ITSN1: variants seen among roughly 807,000 people sequenced by gnomAD.
ITSN1 encodes the protein intersectin 1.
A neutral mutation model predicts 239.8 loss-of-function variants in ITSN1; 58 were observed. The ratio of observed to expected loss-of-function variants is 0.24; its 90% CI spans 0.20 to 0.30. The LOEUF is 0.30. Ranked by LOEUF, ITSN1 falls within the 10% of genes least tolerant of loss-of-function variation. ITSN1 has a pLI of 1.00. For missense variants in ITSN1, 1,558 were observed against 2,103.3 expected (o/e 0.74, Z 5.07); for synonymous variants, 780 against 770.8 (o/e 1.01, Z -0.20).
At chr21:33,817,709 A>T in intron 22 of ITSN1, 1 of 1,020,492 alleles carries the variant, frequency 9.8e-7, no homozygotes, top group Non-Finnish European at 1.3e-6. Context: ...GTGCATGTAG[A>T]TGTACAATAA....
intron 1 of ITSN1, among the ~76,000 whole-genome samples, chr21:33,688,069 C>T (rs573420570): frequency 6.7e-6 from 1 of 150,186 alleles, no homozygotes; most frequent in East Asian, 1.9e-4. Flanking sequence ...AAAATCATCA[C>T]TGTTTTGTTT....
At chr21:33,672,954 C>T (rs895856183) in intron 1 of ITSN1, among the ~76,000 whole-genome samples, 1 of 152,192 alleles carries the variant, frequency 6.6e-6, no homozygotes, top group Admixed American at 6.5e-5. Context: ...TCGTGATCCA[C>T]CTGCCTCGGC....
intron 1 of ITSN1, 138 bp downstream of exon 1, chr21:33,642,851 C>G (rs2087521390): frequency 6.6e-6 from 1 of 151,866 alleles, no homozygotes; most frequent in African/African-American, 2.4e-5. Flanking sequence ...CCGCCCTTAG[C>G]CCCTCGCCGC....
intron 1 of ITSN1, among the ~76,000 whole-genome samples, chr21:33,697,105 C>T (rs572282841): frequency 4.1e-5 from 6 of 147,404 alleles, no homozygotes; most frequent in Admixed American, 1.4e-4. Flanking sequence ...TTTTTTGAGA[C>T]GGATTCTCAC....
Position 33,896,290 on chromosome 21 carries a change from C to T in ITSN1, c.*7990C>T, listed in dbSNP as rs1323429184. 6.6e-6 allele frequency: 1 copy of T among 152,266 alleles called. No homozygotes were observed. The highest frequency in any genetic ancestry group is 6.5e-5 in the Admixed American group (1 of 15,282). 9.4% of individuals were successfully genotyped at this position (152,266 alleles called of 1,614,324 possible). On this transcript the variant is annotated 3_prime_UTR_variant, in exon 40 of 40. Transcript: ENST00000381318. ...GGCGTCAAGCAGCTGTGAGCCTTTA[C>T]CATTGAGCTCACTGCTTGGAAATAA...
At chr21:33,885,367 G>T in intron 37 of ITSN1, 72 bp from the exon 38 acceptor site, 1 of 1,363,224 alleles carries the variant, frequency 7.3e-7, no homozygotes, top group South Asian at 1.2e-5. Flanking sequence ...GAAATGCATT[G>T]TGAGGCTCAC....
intron 16 of ITSN1, among the ~76,000 whole-genome samples, chr21:33,783,038 A>G (rs2070335565): frequency 6.6e-6 from 1 of 152,136 alleles, no homozygotes; most frequent in South Asian, 2.1e-4. Context: ...AAAAAAAGGA[A>G]TGTTAATTCT....
At chr21:33,776,428 G>A (rs1417572395) in intron 14 of ITSN1, among the ~76,000 whole-genome samples, 1 of 151,180 alleles carries the variant, frequency 6.6e-6, no homozygotes, top group Admixed American at 6.6e-5. Flanking sequence ...TGGCATGGGG[G>A]CGTTCACCTG....
chr21:33,757,167 C>A (rs916645057), intron 8 of ITSN1: 1 of 152,068 alleles, frequency 6.6e-6, no homozygotes, highest in Non-Finnish European at 1.5e-5. Context: ...CCAATGAATC[C>A]AAAAATATTT....
chr21:33,888,348 C>A lies in ITSN1; in HGVS notation c.*48C>A. 1 of 1,541,806 alleles carries A rather than the reference C, an allele frequency of 6.5e-7. No individual in the cohort carries two copies. The highest frequency in any genetic ancestry group is 8.8e-7 in the Non-Finnish European group (1 of 1,137,766). ...AGCAGGGTCCCAGCCCACGGCCACA[C>A]ATGCTGTCTGGAAATTGTATTCCTT... On this transcript the variant is annotated 3_prime_UTR_variant, in exon 40 of 40. Coordinates refer to ENST00000381318, the MANE Select transcript of ITSN1 (RefSeq NM_003024.3).
intron 33 of ITSN1, among the ~76,000 whole-genome samples, chr21:33,868,814 G>T (rs553600562): frequency 6.6e-4 from 101 of 152,300 alleles, no homozygotes; most frequent in African/African-American, 2.4e-3. Flanking sequence ...CAAAGTGGGA[G>T]CCCAGGCAGA....
intron 1 of ITSN1, among the ~76,000 whole-genome samples, chr21:33,653,822 A>G (rs991877519): frequency 1.3e-5 from 2 of 151,946 alleles, no homozygotes; most frequent in Non-Finnish European, 2.9e-5. Flanking sequence ...GCGCCCGGCC[A>G]ATGTCTTTCT....
At chr21:33,760,108 A>C (rs1157678121) in intron 8 of ITSN1, among the ~76,000 whole-genome samples, 1 of 142,874 alleles carries the variant, frequency 7.0e-6, no homozygotes, top group Non-Finnish European at 1.5e-5. Context: ...ACTCCATCTC[A>C]AAAAAAAAAA....
intron 5 of ITSN1, among the ~76,000 whole-genome samples, chr21:33,748,320 C>T (rs147975712): frequency 9.3e-4 from 141 of 152,022 alleles, no homozygotes; most frequent in South Asian, 3.5e-3. Flanking sequence ...TTTGGTGGTG[C>T]GTGTCTATAG....
chr21:33,808,836 A>T (rs2072674253), intron 20 of ITSN1, among the ~76,000 whole-genome samples: 1 of 152,124 alleles, frequency 6.6e-6, no homozygotes, highest in Non-Finnish European at 1.5e-5. Flanking sequence ...CTTGACACTA[A>T]GTTATTGTGT....
chr21:33,783,033 A>G (rs912949075), intron 16 of ITSN1, among the ~76,000 whole-genome samples: 1 of 152,182 alleles, frequency 6.6e-6, no homozygotes, highest in Non-Finnish European at 1.5e-5. Context: ...TCAAAAAAAA[A>G]AGGAATGTTA....
At chr21:33,864,418 G>A (rs994371629) in intron 31 of ITSN1, among the ~76,000 whole-genome samples, 2 of 152,162 alleles carry the variant, frequency 1.3e-5, no homozygotes, top group Non-Finnish European at 1.5e-5. Flanking sequence ...GAAGTTGGGA[G>A]AGGGGAAGCA....
chr21:33,691,474 G>A (rs1568949048), intron 1 of ITSN1, among the ~76,000 whole-genome samples: 1 of 152,110 alleles, frequency 6.6e-6, no homozygotes, highest in Admixed American at 6.5e-5. Context: ...TTGCAATGGC[G>A]GGGAGAGATC....
At chr21:33,754,903 G>T (rs574069778) in intron 7 of ITSN1, among the ~76,000 whole-genome samples, 187 of 152,216 alleles carry the variant, frequency 1.2e-3, no homozygotes, top group African/African-American at 4.4e-3. Context: ...GGCAGTTATT[G>T]GTTTGCTTTT....
Sources: gnomAD v4.1 joint callset for allele counts (sites outside exome capture counted in the v4.1 genomes callset) on GRCh38, gnomAD v4.1.1 for gene constraint, MANE v1.5 for transcripts, NCBI Gene and HGNC (gene_info 2026-07-23, HGNC 2026-07-21) for gene names.